The following EIPR1 variants were observed in gnomAD, a reference collection of about 807,000 sequenced individuals.
EIPR1 encodes the protein EARP complex and GARP complex interacting protein 1.
A neutral mutation model predicts 48.1 loss-of-function variants in EIPR1; 25 were observed. The observed-to-expected ratio is 0.52, with a 90% CI of 0.38 to 0.73. EIPR1 has a LOEUF of 0.73. EIPR1 is among the 30% of genes least tolerant of loss of function. EIPR1 has a pLI of 0.00. For missense variants in EIPR1, 415 were observed against 506.2 expected (o/e 0.82, Z 1.73); for synonymous variants, 204 against 201.9 (o/e 1.01, Z -0.09).
chr2:3,249,863 G>A (rs113000598), intron 4 of EIPR1, among the ~76,000 whole-genome samples: 2,837 of 152,328 alleles, frequency 0.019, 84 homozygotes, highest in African/African-American at 0.065. Flanking sequence ...TCCGGCAGGT[G>A]CAAGCTATAT....
At chr2:3,270,244 G>A (rs1426377506) in intron 3 of EIPR1, among the ~76,000 whole-genome samples, 2 of 152,238 alleles carry the variant, frequency 1.3e-5, no homozygotes, top group Admixed American at 6.5e-5. Context: ...GCCCACACGG[G>A]TGCTCGCTGC....
At chr2:3,199,813 G>A (rs1182760655) in intron 5 of EIPR1, among the ~76,000 whole-genome samples, 3 of 132,172 alleles carry the variant, frequency 2.3e-5, no homozygotes, top group African/African-American at 8.5e-5. Flanking sequence ...ATGGGGGGGT[G>A]TCCACATCTG....
chr2:3,312,889 T>C lies in EIPR1; in HGVS notation c.259+25128A>G, dbSNP rs1223374267. Among the ~76,000 whole-genome samples, 1 of 152,136 alleles carries C rather than the reference T, an allele frequency of 6.6e-6. No individual in the cohort carries two copies. The highest frequency in any genetic ancestry group is 2.4e-5 in the African/African-American group (1 of 41,426). On this transcript the variant is annotated intron_variant, in intron 3 of 8. Transcript: ENST00000382125. The surrounding 1 kb of genome is among the most constrained non-coding windows in gnomAD (Gnocchi z 5.5). Reference sequence around the variant, plus strand: ...ACACCCACTGATAAGGGTCACCAGATTGAGAAATAAAAACTTGGCACAGGA... The same window carrying C: ...ACACCCACTGATAAGGGTCACCAGACTGAGAAATAAAAACTTGGCACAGGA...
intron 3 of EIPR1, among the ~76,000 whole-genome samples, chr2:3,315,088 C>T (rs1669247447): frequency 6.7e-6 from 1 of 149,334 alleles, no homozygotes; most frequent in Admixed American, 6.6e-5. Flanking sequence ...ATCACCACCG[C>T]CATCCATATC....
Position 3,257,267 on chromosome 2 carries a change from G to T in EIPR1, c.416+32C>A, listed in dbSNP as rs199633996. On this transcript the variant is annotated intron_variant, in intron 4 of 8. Transcript: ENST00000382125. ...CTGCACCTGGCCAACCTGCAGGCTC[G>T]TTCTGGGCGCATGAAATATGCAAAA... The T allele has an allele frequency of 2.5e-6, 4 of 1,600,668 alleles. No individual in the cohort carries two copies. The Admixed American group carries it at 6.7e-5, about 27-fold the overall frequency.
In EIPR1 at chr2:3,209,017, T is replaced by C. The variant is rs1665343489; in HGVS notation, c.516+5132A>G. On this transcript the variant is annotated intron_variant, in intron 5 of 8. Transcript: ENST00000382125. Reference sequence around the variant, plus strand: ...AGGTCGCCAGAAGCGGGAACAATAGTGGAGGTGGCTGACCAGCACCATCTT... The same window carrying C: ...AGGTCGCCAGAAGCGGGAACAATAGCGGAGGTGGCTGACCAGCACCATCTT... 4 of 1,449,850 alleles carry C rather than the reference T, an allele frequency of 2.8e-6. No homozygotes were observed. In the South Asian group the frequency reaches 4.4e-5, roughly 16 times the overall value. The allele number at this position is 1,449,850 out of a possible 1,614,324, so 89.8% of individuals were successfully genotyped here.
At chr2:3,336,386 T>C (rs1349728794) in intron 3 of EIPR1, among the ~76,000 whole-genome samples, 1 of 151,766 alleles carries the variant, frequency 6.6e-6, no homozygotes, top group Non-Finnish European at 1.5e-5. Flanking sequence ...TGGCAGGAGG[T>C]GCATAGCCAC....
At chr2:3,225,996 C>T (rs1481135875) in intron 4 of EIPR1, among the ~76,000 whole-genome samples, 1 of 152,194 alleles carries the variant, frequency 6.6e-6, no homozygotes, top group Non-Finnish European at 1.5e-5. Context: ...AACAATATTC[C>T]ACTCTATATG....
intron 3 of EIPR1, among the ~76,000 whole-genome samples, chr2:3,278,216 C>CAGGTGGAT (rs1014140607): frequency 6.6e-6 from 1 of 152,182 alleles, no homozygotes; most frequent in Non-Finnish European, 1.5e-5. Flanking sequence ...GGGGGAGACG[C>CAGGTGGAT]AGGTGGATGG....
At chr2:3,367,877 T>C (rs544788368) in intron 1 of EIPR1, among the ~76,000 whole-genome samples, 17 of 151,624 alleles carry the variant, frequency 1.1e-4, no homozygotes, top group African/African-American at 4.1e-4. Flanking sequence ...TGAAACCCCC[T>C]CTCTAAAAAT....
At chr2:3,300,323 A>G (rs572800433) in intron 3 of EIPR1, among the ~76,000 whole-genome samples, 29 of 152,358 alleles carry the variant, frequency 1.9e-4, no homozygotes, top group African/African-American at 6.7e-4. Context: ...CAGTGATTAC[A>G]TATGAATGGC....
intron 3 of EIPR1, among the ~76,000 whole-genome samples, chr2:3,290,635 C>A (rs1668337202): frequency 6.6e-6 from 1 of 152,124 alleles, no homozygotes; most frequent in East Asian, 1.9e-4. Flanking sequence ...TATGCCATGG[C>A]TCTCTAAAGA....
chr2:3,226,699 A>G (rs1666077366), intron 4 of EIPR1, among the ~76,000 whole-genome samples: 1 of 152,158 alleles, frequency 6.6e-6, no homozygotes, highest in South Asian at 2.1e-4. Context: ...CAATACTGAT[A>G]AGGTTTGGCT....
chr2:3,365,220 T>C (rs1670944236), intron 1 of EIPR1, among the ~76,000 whole-genome samples: 1 of 151,972 alleles, frequency 6.6e-6, no homozygotes. Context: ...GAAAGATTGC[T>C]TGAGCCCAAA....
intron 6 of EIPR1, among the ~76,000 whole-genome samples, chr2:3,195,292 C>A (rs746408764): frequency 6.6e-6 from 1 of 152,180 alleles, no homozygotes; most frequent in Admixed American, 6.5e-5. Flanking sequence ...CTGCCGTGGG[C>A]GGGACTGAAA....
chr2:3,337,967 T>C (rs778427167), intron 3 of EIPR1, 50 bp downstream of exon 3: 5 of 1,551,442 alleles, frequency 3.2e-6, no homozygotes, highest in Non-Finnish European at 4.3e-6. Flanking sequence ...TCTTAGGAAA[T>C]ACCTCCAGTT....
intron 3 of EIPR1, among the ~76,000 whole-genome samples, chr2:3,329,673 A>G (rs913234230): frequency 2.0e-5 from 3 of 147,662 alleles, no homozygotes; most frequent in African/African-American, 7.6e-5. Flanking sequence ...ATCAGAGTTC[A>G]CCTATCATGC....
At chr2:3,195,054 C>CA (rs1354779398) in intron 6 of EIPR1, among the ~76,000 whole-genome samples, 5 of 152,266 alleles carry the variant, frequency 3.3e-5, no homozygotes, top group African/African-American at 1.2e-4. Context: ...GACACGCACA[C>CA]ACGCACTCAC....
In EIPR1 at chr2:3,224,569, G is replaced by A. The variant is rs917214646; in HGVS notation, c.417-10321C>T. Among the ~76,000 whole-genome samples, 7 of 152,172 alleles carry A rather than the reference G, an allele frequency of 4.6e-5. No homozygotes were observed. The South Asian group carries it at 1.0e-3, about 22-fold the overall frequency. On this transcript the variant is annotated intron_variant, in intron 4 of 8. Transcript: ENST00000382125. ...GCCCCATGATCAAGGCACACTGCCT[G>A]CCCCATACACAGGCAGGAAGAGGCA...
Sources: gnomAD v4.1 joint callset for allele counts (sites outside exome capture counted in the v4.1 genomes callset) on GRCh38, gnomAD v4.1.1 for gene constraint, Gnocchi (gnomAD v3.1) non-coding constraint, MANE v1.5 for transcripts, NCBI Gene and HGNC (gene_info 2026-07-23, HGNC 2026-07-21) for gene names.